The following MTCH2 variants were observed in gnomAD, a reference collection of about 807,000 sequenced individuals.
The protein encoded by MTCH2 is mitochondrial carrier homolog 2.
A neutral mutation model predicts 50.6 loss-of-function variants in MTCH2; 25 were observed. That is an observed-to-expected ratio of 0.49 (90% confidence interval 0.36 to 0.69). The LOEUF is 0.69. Among genes scored for constraint, MTCH2 ranks in the 30% least tolerant of loss-of-function variants. The pLI is 0.00. For missense variants in MTCH2, 273 were observed against 384.4 expected, an observed-to-expected ratio of 0.71 and a Z score of 2.42; for synonymous variants, 106 against 132.0, an observed-to-expected ratio of 0.80 and a Z score of 1.35.
chr11:47,612,449 T>G (rs1438687895), downstream of MTCH2, among the ~76,000 whole-genome samples: 1 of 151,932 alleles, frequency 6.6e-6, no homozygotes, highest in Non-Finnish European at 1.5e-5. Context: ...GCACCTGTAG[T>G]CCCAGCTACT....
At chr11:47,629,319 C>T (rs1212850224) in intron 8 of MTCH2, 7 of 350,174 alleles carry the variant, frequency 2.0e-5, no homozygotes, top group Non-Finnish European at 2.7e-5. Flanking sequence ...TAACTGTAAG[C>T]AGGGAGGCAA....
chr11:47,639,498 G>A (rs1246465222), intron 1 of MTCH2, among the ~76,000 whole-genome samples: 1 of 152,204 alleles, frequency 6.6e-6, no homozygotes, highest in African/African-American at 2.4e-5. Context: ...AGATATAGCT[G>A]GATAATTCAC....
rs749975225 is a variant in MTCH2, at chr11:47,638,739, G to A, written c.239C>T (p.Ser80Leu). The A allele has an allele frequency of 1.1e-5, 17 of 1,614,234 alleles. No individual in the cohort carries two copies. Among genetic ancestry groups the A allele is most frequent in the East Asian group, 2.2e-5 (1 of 44,884 alleles). The change falls in exon 3 of 13, where the codon TCG becomes TTG. Residue 80 changes from serine (S) to leucine (L), a missense_variant. Coordinates refer to ENST00000302503, the MANE Select transcript of MTCH2 (RefSeq NM_014342.4). ...LFTGLTPRLC[S>L]GVLGTVVHGK... is the part of the protein sequence containing the mutation. ...ATGGACCACAGTTCCAAGGACTCCC[G>A]AACACAGTCTTGGAGTTAAGCCTGT...
the MTCH2 span, among the ~76,000 whole-genome samples, chr11:47,607,609 C>G: frequency 6.6e-6 from 1 of 152,160 alleles, no homozygotes; most frequent in South Asian, 2.1e-4. Flanking sequence ...AGCCAGAGTC[C>G]TCCTGGGGAT....
chr11:47,613,542 C>A (rs2097286725), downstream of MTCH2, among the ~76,000 whole-genome samples: 1 of 152,082 alleles, frequency 6.6e-6, no homozygotes, highest in Admixed American at 6.6e-5. Flanking sequence ...ACTAATGGTA[C>A]CTCTAGGAAG....
downstream of MTCH2, among the ~76,000 whole-genome samples, chr11:47,613,179 A>G (rs1262363780): frequency 6.6e-6 from 1 of 151,968 alleles, no homozygotes; most frequent in African/African-American, 2.4e-5. Context: ...AAGTGCTGGG[A>G]TTGGCTGGGC....
At chr11:47,635,640 A>C in intron 3 of MTCH2, 69 bp from the exon 4 acceptor site, 1 of 1,463,624 alleles carries the variant, frequency 6.8e-7, no homozygotes, top group Non-Finnish European at 9.4e-7. Context: ...ATAAAATGAA[A>C]ACTCTACTGA....
At chr11:47,632,783 C>T (rs957554214) in intron 5 of MTCH2, among the ~76,000 whole-genome samples, 1 of 152,032 alleles carries the variant, frequency 6.6e-6, no homozygotes, top group African/African-American at 2.4e-5. Flanking sequence ...GCTGCAACCT[C>T]CACCTCCCAG....
the MTCH2 span, among the ~76,000 whole-genome samples, chr11:47,607,972 G>C: frequency 2.6e-5 from 4 of 152,234 alleles, no homozygotes; most frequent in African/African-American, 9.6e-5. Flanking sequence ...TCTGTGCTCC[G>C]ATCATCATGC....
chr11:47,627,027 C>A, intron 10 of MTCH2, 53 bp downstream of exon 10: 1 of 1,409,106 alleles, frequency 7.1e-7, no homozygotes, highest in Non-Finnish European at 9.8e-7. Flanking sequence ...AAAAGGAAAA[C>A]AAAACAAAAC....
chr11:47,631,269 C>T (rs905164609), intron 6 of MTCH2, among the ~76,000 whole-genome samples, 182 bp from the exon 7 acceptor site: 7 of 151,950 alleles, frequency 4.6e-5, no homozygotes, highest in African/African-American at 4.8e-5. Context: ...ATTATCCAGG[C>T]GTGGTGGCAT....
At chr11:47,608,741 G>C in the MTCH2 span, among the ~76,000 whole-genome samples, 1 of 151,826 alleles carries the variant, frequency 6.6e-6, no homozygotes, top group East Asian at 1.9e-4. Flanking sequence ...GGCAGATCAT[G>C]AGGTCAGAAG....
intron 12 of MTCH2, among the ~76,000 whole-genome samples, chr11:47,620,130 CAG>C (rs1402062917): frequency 6.6e-6 from 1 of 151,130 alleles, no homozygotes; most frequent in African/African-American, 2.4e-5. Flanking sequence ...AAACAAAAAA[CAG>C]GGGTGAGGGG....
At position 47,630,647 on chromosome 11, in the gene MTCH2, TAA is replaced by T. The variant is rs1021521498; in HGVS notation, c.480-35_480-34del. On this transcript the variant is annotated intron_variant, in intron 7 of 12. Transcript: ENST00000302503. ...CACAAGAAGAAAAGGTAAAATATAT[TAA>T]GATTCTTTTGGAGCTATAAACAAAA... is the stretch of plus-strand genomic sequence containing the variant. 3 of 1,562,398 alleles carry T rather than the reference TAA, an allele frequency of 1.9e-6. No individual in the cohort carries two copies. In the African/African-American group the frequency reaches 4.1e-5, roughly 21 times the overall value.
intron 12 of MTCH2, among the ~76,000 whole-genome samples, chr11:47,620,311 A>C (rs1407021178): frequency 1.3e-5 from 2 of 151,966 alleles, no homozygotes; most frequent in African/African-American, 4.8e-5. Context: ...AAAACAAAAA[A>C]CAAAAAAATG....
chr11:47,631,665 T>C lies in MTCH2; in HGVS notation c.416A>G (p.His139Arg). Residue 139 changes from histidine (H) to arginine (R), a missense_variant, in exon 6 of 13, where the codon CAT (histidine) becomes CGT (arginine). By Grantham distance (29) the His-to-Arg change is conservative. This residue lies in a region of MTCH2 where 203 missense variants were observed against 244.3 expected (regional missense o/e 0.83). Transcript: ENST00000302503. ...AACTGCAAACATACCATGGAAGGGA[T>C]GTGTGATGAGGGTAGCAGCAGAACG... ...IARSAATLIT[H>R]PFHVITLRSM... 1 of 1,614,016 alleles carries C rather than the reference T, an allele frequency of 6.2e-7. No individual in the cohort carries two copies. Among genetic ancestry groups the C allele is most frequent in the Non-Finnish European group, 8.5e-7 (1 of 1,179,990 alleles).
At chr11:47,633,629 C>T (rs1247385508) in intron 5 of MTCH2, among the ~76,000 whole-genome samples, 5 of 147,076 alleles carry the variant, frequency 3.4e-5, no homozygotes, top group South Asian at 2.2e-4. Flanking sequence ...CTCTGCCTCC[C>T]GGGTTCAAGC....
intron 8 of MTCH2, chr11:47,629,457 G>A (rs898251812): frequency 4.1e-5 from 9 of 218,232 alleles, no homozygotes; most frequent in Non-Finnish European, 1.9e-5. Flanking sequence ...AAATTACAAA[G>A]CAAGAATGGT....
At chr11:47,641,993 G>C (rs1426687870) in intron 1 of MTCH2, among the ~76,000 whole-genome samples, 3 of 152,242 alleles carry the variant, frequency 2.0e-5, no homozygotes, top group African/African-American at 7.2e-5. Flanking sequence ...TTGCGTCTGA[G>C]ATTTTGGGGG....
Sources: gnomAD v4.1 joint callset for allele counts (sites outside exome capture counted in the v4.1 genomes callset) on GRCh38, gnomAD v4.1.1 for gene constraint, gnomAD v4.1.1 regional missense constraint, MANE v1.5 for transcripts, NCBI Gene and HGNC (gene_info 2026-07-23, HGNC 2026-07-21) for gene names.